ANO4: variants seen among roughly 807,000 people sequenced by gnomAD.
The protein encoded by ANO4 is anoctamin 4.
In ANO4, 69 loss-of-function variants were observed where a neutral mutation model predicts 141.9. The observed-to-expected ratio is 0.49, with a 90% CI of 0.40 to 0.59. ANO4 has a LOEUF of 0.59. Ranked by LOEUF, ANO4 falls within the 20% of genes least tolerant of loss-of-function variation. The pLI, the probability that ANO4 is intolerant of heterozygous loss-of-function variation, is 0.00. For missense variants in ANO4, 894 were observed against 1,162.2 expected (o/e 0.77, Z 3.36); for synonymous variants, 350 against 394.3 (o/e 0.89, Z 1.33).
At chr12:100,732,833 C>T (rs1018510235) in intron 1 of ANO4, among the ~76,000 whole-genome samples, 2 of 152,302 alleles carry the variant, frequency 1.3e-5, no homozygotes, top group East Asian at 1.9e-4. Flanking sequence ...GCACCTACCT[C>T]GTGCACGAAA....
At chr12:100,745,823 G>A (rs1258443562) in intron 3 of ANO4, among the ~76,000 whole-genome samples, 2 of 152,162 alleles carry the variant, frequency 1.3e-5, no homozygotes, top group Admixed American at 6.6e-5. Context: ...CATGATGAGT[G>A]CCAAGTAGAA....
intron 1 of ANO4, among the ~76,000 whole-genome samples, chr12:100,802,304 G>A (rs1211509328): frequency 6.6e-6 from 1 of 152,116 alleles, no homozygotes; most frequent in Non-Finnish European, 1.5e-5. Flanking sequence ...GTTTCATGTA[G>A]GTGAAAAAGT....
At chr12:100,967,540 C>T (rs2043727264) in intron 5 of ANO4, among the ~76,000 whole-genome samples, 1 of 150,200 alleles carries the variant, frequency 6.7e-6, no homozygotes, top group Admixed American at 6.7e-5. Flanking sequence ...AAGCCCCATA[C>T]ACTATATTTT....
At chr12:101,053,354 G>C (rs1301259095) in intron 14 of ANO4, among the ~76,000 whole-genome samples, 4 of 152,214 alleles carry the variant, frequency 2.6e-5, no homozygotes, top group African/African-American at 9.6e-5. Context: ...GAGTGATAGG[G>C]AGGTTGAGTG....
chr12:100,743,220 T>G (rs2031950870), intron 3 of ANO4, among the ~76,000 whole-genome samples: 1 of 151,170 alleles, frequency 6.6e-6, no homozygotes, highest in African/African-American at 2.4e-5. Context: ...GTTTTTGTTT[T>G]AAATTATTTA....
At chr12:100,814,663 C>T (rs1481182648) in intron 1 of ANO4, among the ~76,000 whole-genome samples, 1 of 146,902 alleles carries the variant, frequency 6.8e-6, no homozygotes, top group Non-Finnish European at 1.5e-5. Flanking sequence ...GATTAGGTTC[C>T]CCCATATCAG....
chr12:100,871,020 C>T (rs1303332383), intron 1 of ANO4, among the ~76,000 whole-genome samples: 2 of 152,092 alleles, frequency 1.3e-5, no homozygotes, highest in Non-Finnish European at 2.9e-5. Flanking sequence ...TAATAGGTGT[C>T]ACTTATACCT....
chr12:101,025,075 T>A (rs377410438), intron 9 of ANO4, among the ~76,000 whole-genome samples: 1 of 152,204 alleles, frequency 6.6e-6, no homozygotes, highest in Admixed American at 6.5e-5. Context: ...GAAATCTTGA[T>A]CTGAAAGGAG....
intron 3 of ANO4, among the ~76,000 whole-genome samples, chr12:100,757,950 C>A (rs2032685992): frequency 6.6e-6 from 1 of 152,166 alleles, no homozygotes; most frequent in Admixed American, 6.5e-5. Context: ...TTCACTCCTT[C>A]AAGGACTGTG....
intron 8 of ANO4, among the ~76,000 whole-genome samples, chr12:100,996,294 A>C (rs922382486): frequency 2.0e-5 from 3 of 152,208 alleles, no homozygotes; most frequent in African/African-American, 7.2e-5. Context: ...ATAAGAAAAA[A>C]GTCTAGAGAA....
chr12:101,097,788 C>T lies in ANO4; in HGVS notation c.1909-60C>T, dbSNP rs115519551. The T allele has an allele frequency of 1.3e-3, 2,016 of 1,605,526 alleles. 19 individuals carry two copies. The African/African-American group carries it at 0.024, about 19-fold the overall frequency. ...AGGGCAACTTTGTGTAGATTATAAA[C>T]CAGACACCCTTTCTTCCTCTCCATT... On this transcript the variant is annotated intron_variant, in intron 20 of 27. Transcript: ENST00000392977.
chr12:100,726,734 A>G (rs1485919781), intron 1 of ANO4, among the ~76,000 whole-genome samples: 1 of 152,148 alleles, frequency 6.6e-6, no homozygotes, highest in Non-Finnish European at 1.5e-5. Flanking sequence ...TGACTTATGC[A>G]TGTGAACTGT....
intron 14 of ANO4, among the ~76,000 whole-genome samples, chr12:101,057,817 G>A (rs1438538134): frequency 6.6e-6 from 1 of 152,134 alleles, no homozygotes; most frequent in Non-Finnish European, 1.5e-5. Flanking sequence ...TAGGTTGCCT[G>A]TTCACTCTGA....
intron 1 of ANO4, among the ~76,000 whole-genome samples, chr12:100,874,976 C>G (rs1359060451): frequency 6.6e-6 from 1 of 151,972 alleles, no homozygotes; most frequent in Non-Finnish European, 1.5e-5. Context: ...TTTACAGGCT[C>G]CTAGGCAGAA....
intron 5 of ANO4, among the ~76,000 whole-genome samples, chr12:100,959,447 T>C (rs886970656): frequency 2.0e-5 from 3 of 152,216 alleles, no homozygotes; most frequent in Admixed American, 1.3e-4. Flanking sequence ...GTTTCTCTTC[T>C]ACACTTCACA....
chr12:100,798,285 A>G (rs1173120023), intron 1 of ANO4, among the ~76,000 whole-genome samples: 3 of 152,204 alleles, frequency 2.0e-5, no homozygotes, highest in African/African-American at 7.2e-5. Flanking sequence ...TTATTTAGCC[A>G]ATATAATCCC....
intron 1 of ANO4, chr12:100,859,047 A>G (rs1194669916): frequency 6.6e-6 from 1 of 152,172 alleles, no homozygotes; most frequent in Non-Finnish European, 1.5e-5. Context: ...AAATTAGAGA[A>G]TGGCACTTTC....
chr12:101,003,800 A>C (rs954774606), intron 8 of ANO4, among the ~76,000 whole-genome samples: 5 of 152,198 alleles, frequency 3.3e-5, no homozygotes, highest in Non-Finnish European at 7.3e-5. Flanking sequence ...TCTCATTAGA[A>C]GGAAATGGTA....
At chr12:100,738,181 C>A (rs1358388722) in intron 2 of ANO4, among the ~76,000 whole-genome samples, 1 of 151,966 alleles carries the variant, frequency 6.6e-6, no homozygotes, top group Non-Finnish European at 1.5e-5. Flanking sequence ...GAATTGAGAC[C>A]CCTATTCCTG....
Sources: gnomAD v4.1 joint callset for allele counts (sites outside exome capture counted in the v4.1 genomes callset) on GRCh38, gnomAD v4.1.1 for gene constraint, MANE v1.5 for transcripts, NCBI Gene and HGNC (gene_info 2026-07-23, HGNC 2026-07-21) for gene names.